BZW2: variants seen among roughly 807,000 people sequenced by gnomAD.
BZW2 encodes eIF5-mimic protein 1.
In BZW2, 23 loss-of-function variants were observed where a neutral mutation model predicts 53.2. The observed-to-expected ratio is 0.43, with a 90% CI of 0.31 to 0.61. The LOEUF is 0.61. BZW2 is among the 20% of genes least tolerant of loss of function. The pLI, the probability that BZW2 is intolerant of heterozygous loss-of-function variation, is 0.09. For missense variants in BZW2, 409 were observed against 503.1 expected (o/e 0.81, Z 1.79); for synonymous variants, 227 against 186.4 (o/e 1.22, Z -1.77).
In BZW2 at chr7:16,704,624, G is replaced by C; in HGVS notation, c.1186G>C (p.Asp396His). 1 of 1,593,268 alleles carries C rather than the reference G, an allele frequency of 6.3e-7. No homozygotes were observed. The highest frequency in any genetic ancestry group is 8.6e-7 in the Non-Finnish European group (1 of 1,164,306). ...TGCTAAAGGCAAAAGTGTTTTTCTTGACCAGATGAAGAAATTTGTTGAGTG... is the reference window on the plus strand; with the variant it reads ...TGCTAAAGGCAAAAGTGTTTTTCTTCACCAGATGAAGAAATTTGTTGAGTG... ...HVAKGKSVFL[D>H]QMKKFVEWLQ... The change falls in exon 11 of 12, where the codon GAC becomes CAC. Residue 396 changes from aspartate to histidine, a missense_variant. By Grantham distance (81) the Asp-to-His change is moderately conservative (BLOSUM62 -1). Transcript: ENST00000258761.
In BZW2 at chr7:16,646,673, G is replaced by T. The variant is rs563345970; in HGVS notation, c.-8+385G>T. ...GCTAGGTAGGGGTCGCAAGGACAGC[G>T]CCCCATTACTAGCGAGTCAGTGAGA... On this transcript the variant is annotated intron_variant, in intron 1 of 11. Transcript: ENST00000258761. Among the ~76,000 whole-genome samples, 34 of 152,300 alleles carry T rather than the reference G, an allele frequency of 2.2e-4. 1 individual carries two copies. The highest frequency in any genetic ancestry group is 7.9e-4 in the African/African-American group (33 of 41,568).
At chr7:16,688,830 G>A (rs1018005328) in intron 6 of BZW2, among the ~76,000 whole-genome samples, 8 of 151,978 alleles carry the variant, frequency 5.3e-5, no homozygotes, top group African/African-American at 1.9e-4. Context: ...ATGGTTTCCT[G>A]ATTTAACATA....
intron 2 of BZW2, 76 bp from the exon 3 acceptor site, chr7:16,674,336 G>T: frequency 2.7e-6 from 3 of 1,130,966 alleles, no homozygotes; most frequent in African/African-American, 1.6e-5. Context: ...AGATAAAATA[G>T]AATTAAAGTT....
chr7:16,651,316 G>A (rs1241753722), intron 1 of BZW2, among the ~76,000 whole-genome samples: 1 of 152,088 alleles, frequency 6.6e-6, no homozygotes, highest in Non-Finnish European at 1.5e-5. Context: ...AAAGCCCTGG[G>A]GCAGAGATGA....
intron 3 of BZW2, among the ~76,000 whole-genome samples, chr7:16,680,105 C>A (rs571868646): frequency 1.2e-4 from 19 of 152,160 alleles, no homozygotes; most frequent in African/African-American, 4.6e-4. Context: ...GCTATTCAAC[C>A]AGTCATGGGT....
intron 7 of BZW2, among the ~76,000 whole-genome samples, chr7:16,690,132 A>C (rs1783254662): frequency 6.6e-6 from 1 of 152,156 alleles, no homozygotes; most frequent in African/African-American, 2.4e-5. Context: ...TAGACTTCCA[A>C]ATTTGTAAGT....
intron 1 of BZW2, among the ~76,000 whole-genome samples, chr7:16,656,598 A>ACAC (rs1562475777): frequency 1.6e-5 from 2 of 122,624 alleles, no homozygotes; most frequent in African/African-American, 7.4e-5. Flanking sequence ...CACACACACA[A>ACAC]GTAGGTTTAG....
chr7:16,668,248 G>A (rs1391528172), intron 2 of BZW2, among the ~76,000 whole-genome samples: 2 of 152,170 alleles, frequency 1.3e-5, no homozygotes, highest in African/African-American at 2.4e-5. Flanking sequence ...AACAGCAGAC[G>A]TGAGTCAGCG....
intron 3 of BZW2, among the ~76,000 whole-genome samples, chr7:16,677,667 G>A (rs1406129054): frequency 3.3e-5 from 5 of 152,150 alleles, no homozygotes; most frequent in African/African-American, 1.2e-4. Context: ...AACTTAACAA[G>A]GAGGTTAAAG....
chr7:16,651,033 A>G (rs1242617319), intron 1 of BZW2, among the ~76,000 whole-genome samples: 1 of 152,226 alleles, frequency 6.6e-6, no homozygotes, highest in South Asian at 2.1e-4. Context: ...TTATTCAAAA[A>G]TTAAAGGAAA....
At chr7:16,704,446 A>T (rs1206018685) in intron 10 of BZW2, 101 bp from the exon 11 acceptor site, 1 of 1,211,028 alleles carries the variant, frequency 8.3e-7, no homozygotes, top group African/African-American at 1.5e-5. Context: ...AGAATGCTTT[A>T]TATTTAAAAT....
chr7:16,681,133 C>T (rs1022465650), intron 3 of BZW2, among the ~76,000 whole-genome samples, 168 bp from the exon 4 acceptor site: 2 of 152,056 alleles, frequency 1.3e-5, no homozygotes, highest in Non-Finnish European at 2.9e-5. Flanking sequence ...AAATGTACAG[C>T]AACGTGTGTA....
chr7:16,685,562 A>G (rs1369040012), intron 5 of BZW2, among the ~76,000 whole-genome samples: 1 of 152,312 alleles, frequency 6.6e-6, no homozygotes, highest in East Asian at 1.9e-4. Context: ...TTCAGAAAAC[A>G]TGTCCATCAT....
intron 10 of BZW2, among the ~76,000 whole-genome samples, chr7:16,703,712 T>C (rs1783745554): frequency 6.6e-6 from 1 of 152,128 alleles, no homozygotes; most frequent in African/African-American, 2.4e-5. Flanking sequence ...ATTAGAACAT[T>C]GGGAGACTAT....
intron 6 of BZW2, among the ~76,000 whole-genome samples, chr7:16,689,219 C>G (rs1783225068): frequency 1.3e-5 from 2 of 152,058 alleles, no homozygotes; most frequent in Admixed American, 1.3e-4. Flanking sequence ...GAGTGAGACT[C>G]CATCCCCCCA....
intron 8 of BZW2, among the ~76,000 whole-genome samples, chr7:16,696,315 G>A (rs928954983): frequency 1.3e-5 from 2 of 152,140 alleles, no homozygotes; most frequent in African/African-American, 4.8e-5. Flanking sequence ...GTATAAATTT[G>A]CATATTTATA....
At chr7:16,697,404 T>C (rs907074767) in intron 9 of BZW2, among the ~76,000 whole-genome samples, 13 of 152,176 alleles carry the variant, frequency 8.5e-5, no homozygotes, top group African/African-American at 3.1e-4. Flanking sequence ...TTTGTCTTAA[T>C]TGAGAGTATG....
chr7:16,695,424 T>C (rs1783448685), intron 8 of BZW2, among the ~76,000 whole-genome samples: 1 of 152,214 alleles, frequency 6.6e-6, no homozygotes, highest in South Asian at 2.1e-4. Context: ...TGTATGAATA[T>C]GTAACAGGCT....
Position 16,694,833 on chromosome 7 carries a change from G to A in BZW2, c.652-1G>A. ...ATAGCAGTCTTTTTTCCCTTTTTCA[G>A]GAACTCTTTCCAGTTAACAGACAGA... is the stretch of plus-strand genomic sequence containing the variant. On this transcript the variant is annotated splice_acceptor_variant, in intron 7 of 11. Transcript: ENST00000258761. LOFTEE classifies it high-confidence loss of function. 6.7e-7 allele frequency: 1 copy of A among 1,501,588 alleles called. No individual in the cohort carries two copies. Among genetic ancestry groups the A allele is most frequent in the Non-Finnish European group, 9.0e-7 (1 of 1,106,396 alleles). The allele number at this position is 1,501,588 out of a possible 1,614,324, so 93.0% of individuals were successfully genotyped here.
Sources: allele counts gnomAD v4.1 joint callset (sites outside exome capture counted in the v4.1 genomes callset), GRCh38; gene constraint gnomAD v4.1.1; transcripts MANE v1.5; gene names NCBI Gene and HGNC (gene_info 2026-07-23, HGNC 2026-07-21).